The following FHOD3 variants were observed in gnomAD, a reference collection of about 807,000 sequenced individuals.
FHOD3 encodes FH1/FH2 domain-containing protein 3.
FHOD3 carries 90 observed loss-of-function variants against 173.0 expected under a neutral mutation model. The ratio of observed to expected loss-of-function variants is 0.52; its 90% confidence interval spans 0.44 to 0.62. The LOEUF (loss-of-function observed/expected upper bound fraction) is 0.62. FHOD3 is among the 20% of genes least tolerant of loss of function. The pLI, the probability that FHOD3 is intolerant of heterozygous loss-of-function variation, is 0.00. For synonymous variants in FHOD3, 828 were observed against 823.0 expected (o/e 1.01, Z -0.10); for missense variants, 1,945 against 2,034.7 (o/e 0.96, Z 0.85).
chr18:36,463,015 A>G (rs1193180179), intron 3 of FHOD3, among the ~76,000 whole-genome samples: 2 of 152,154 alleles, frequency 1.3e-5, no homozygotes, highest in African/African-American at 4.8e-5. Context: ...TAGTTTAAAG[A>G]CAAATAGTAA....
chr18:36,760,409 G>A (rs1021308386), intron 26 of FHOD3, among the ~76,000 whole-genome samples, 199 bp from the exon 27 acceptor site: 5 of 152,134 alleles, frequency 3.3e-5, no homozygotes, highest in African/African-American at 1.2e-4. Context: ...GGGGCCGGGG[G>A]CTTTTCTGTC....
At chr18:36,697,330 G>A (rs2039342123) in intron 17 of FHOD3, among the ~76,000 whole-genome samples, 1 of 152,184 alleles carries the variant, frequency 6.6e-6, no homozygotes. Flanking sequence ...TTGTAAACGA[G>A]TCCCTCCTGA....
At chr18:36,575,654 G>A (rs901654242) in intron 5 of FHOD3, among the ~76,000 whole-genome samples, 1 of 152,192 alleles carries the variant, frequency 6.6e-6, no homozygotes, top group Non-Finnish European at 1.5e-5. Flanking sequence ...ATGATTAGGA[G>A]CTTAGATGTG....
intron 11 of FHOD3, among the ~76,000 whole-genome samples, chr18:36,651,750 C>CAA (rs34364328): frequency 6.1e-4 from 86 of 141,100 alleles, no homozygotes; most frequent in East Asian, 1.7e-3. Context: ...AAACTCTGCT[C>CAA]AAAAAAAAAA....
rs748357762 is a variant in FHOD3, at chr18:36,693,252, G to A, written c.2065G>A (p.Glu689Lys). 1.9e-6 allele frequency: 3 copies of A among 1,613,862 alleles called. No individual in the cohort carries two copies. Residue 689 changes from glutamate to lysine, a missense_variant, in exon 17 of 29, where the codon GAG (glutamate) becomes AAG (lysine). Around this residue, in one of 5 missense-constraint regions of FHOD3, gnomAD observed 1,099 missense variants for 1,051.2 expected, o/e 1.05. Transcript: ENST00000590592. ...GTTGGCAGCTGAGGAGCACGAGAAGGAGCTGAGAAGCCGGAGTGTGAGCCG... is the reference window on the plus strand; with the variant it reads ...GTTGGCAGCTGAGGAGCACGAGAAGAAGCTGAGAAGCCGGAGTGTGAGCCG... ...EQLAAEEHEK[E>K]LRSRSVSRGR...
chr18:36,591,803 A>G (rs2059227122), intron 6 of FHOD3, among the ~76,000 whole-genome samples: 1 of 152,208 alleles, frequency 6.6e-6, no homozygotes, highest in South Asian at 2.1e-4. Flanking sequence ...ATGTACCTAT[A>G]GTCCAGTTAC....
chr18:36,587,874 C>T (rs2059090280), intron 6 of FHOD3, among the ~76,000 whole-genome samples: 2 of 152,164 alleles, frequency 1.3e-5, no homozygotes, highest in Admixed American at 1.3e-4. Flanking sequence ...GTAAGATTTC[C>T]TGTTCGCTAG....
At chr18:36,345,632 G>A (rs944213017) in intron 1 of FHOD3, among the ~76,000 whole-genome samples, 1 of 151,868 alleles carries the variant, frequency 6.6e-6, no homozygotes. Flanking sequence ...GTAGAGATGA[G>A]GTCTTGTGAA....
At chr18:36,769,007 T>A (rs979350152) in intron 27 of FHOD3, among the ~76,000 whole-genome samples, 3 of 152,174 alleles carry the variant, frequency 2.0e-5, no homozygotes, top group Non-Finnish European at 4.4e-5. Flanking sequence ...ACAGCTGTGT[T>A]ACAGGGTGAT....
At chr18:36,690,184 G>A (rs548744941) in intron 16 of FHOD3, among the ~76,000 whole-genome samples, 17 of 152,282 alleles carry the variant, frequency 1.1e-4, no homozygotes, top group East Asian at 5.8e-4. Flanking sequence ...TTATTAAATC[G>A]TGAGTGCCCA....
intron 3 of FHOD3, among the ~76,000 whole-genome samples, chr18:36,445,073 A>G (rs535252472): frequency 1.3e-5 from 2 of 152,344 alleles, no homozygotes; most frequent in South Asian, 4.1e-4. Flanking sequence ...TGATCTATGT[A>G]TGTCCAGGTA....
intron 3 of FHOD3, among the ~76,000 whole-genome samples, chr18:36,392,697 T>A (rs2048361918): frequency 6.6e-6 from 1 of 152,240 alleles, no homozygotes. Flanking sequence ...CTTCGTCTGA[T>A]CTTGTCTGTG....
chr18:36,625,972 A>T (rs867596069), intron 10 of FHOD3, among the ~76,000 whole-genome samples: 1 of 152,178 alleles, frequency 6.6e-6, no homozygotes, highest in African/African-American at 2.4e-5. Flanking sequence ...TAATCCCAGG[A>T]ACTGTTTTTC....
chr18:36,402,565 G>A (rs979143612), intron 3 of FHOD3, among the ~76,000 whole-genome samples: 2 of 148,190 alleles, frequency 1.3e-5, no homozygotes, highest in Non-Finnish European at 1.5e-5. Context: ...ACCCCAGAGA[G>A]GAAAAGGGAC....
At chr18:36,613,602 C>T (rs955947107) in intron 9 of FHOD3, among the ~76,000 whole-genome samples, 1 of 152,154 alleles carries the variant, frequency 6.6e-6, no homozygotes, top group Non-Finnish European at 1.5e-5. Context: ...GGACATTCCA[C>T]CAGTGGCATT....
chr18:36,633,638 A>C (rs1262942174), intron 10 of FHOD3, among the ~76,000 whole-genome samples: 1 of 152,242 alleles, frequency 6.6e-6, no homozygotes, highest in Non-Finnish European at 1.5e-5. Flanking sequence ...GGACCCAGGC[A>C]GTCAGAGTCC....
intron 3 of FHOD3, among the ~76,000 whole-genome samples, chr18:36,486,599 TTATTTAAGGTCAA>T (rs2054204909): frequency 6.6e-6 from 1 of 152,200 alleles, no homozygotes; most frequent in Non-Finnish European, 1.5e-5. Context: ...AGGAAACAAG[TTATTTAAGGTCAA>T]TATTTAAGAG....
intron 3 of FHOD3, among the ~76,000 whole-genome samples, chr18:36,442,241 T>C (rs1453555557): frequency 6.6e-6 from 1 of 152,222 alleles, no homozygotes; most frequent in East Asian, 1.9e-4. Context: ...GTATGTGGCA[T>C]TCTTTGAGCT....
At position 36,415,466 on chromosome 18, in the gene FHOD3, T is replaced by G. The variant is rs1337563602; in HGVS notation, c.337+42722T>G. Reference sequence around the variant, plus strand: ...TGGTTCTGAAGAAGAAAATGTGACTTCTTAAAACCTTGTCAGCACGCAAGG... The same window carrying G: ...TGGTTCTGAAGAAGAAAATGTGACTGCTTAAAACCTTGTCAGCACGCAAGG... On this transcript the variant is annotated intron_variant, in intron 3 of 28. Transcript: ENST00000590592. Among the ~76,000 whole-genome samples the G allele has an allele frequency of 3.3e-5, 5 of 152,300 alleles. No individual in the cohort carries two copies. In the East Asian group the frequency reaches 9.6e-4, roughly 29 times the overall value.
Sources: gnomAD v4.1 joint callset for allele counts (sites outside exome capture counted in the v4.1 genomes callset) on GRCh38, gnomAD v4.1.1 for gene constraint, gnomAD v4.1.1 regional missense constraint, MANE v1.5 for transcripts, NCBI Gene and HGNC (gene_info 2026-07-23, HGNC 2026-07-21) for gene names.